FAM20B: variants seen among roughly 807,000 people sequenced by gnomAD.
The protein encoded by FAM20B is FAM20B glycosaminoglycan xylosylkinase.
Under a neutral mutation model 43.8 loss-of-function variants are expected in FAM20B, and 23 were observed. The observed-to-expected ratio is 0.53, with a 90% CI of 0.38 to 0.74. FAM20B has a LOEUF of 0.74. Among genes scored for constraint, FAM20B ranks in the 30% least tolerant of loss-of-function variants. The pLI is 0.00. For missense variants in FAM20B, 440 were observed against 510.5 expected, an observed-to-expected ratio of 0.86 and a Z score of 1.33; for synonymous variants, 178 against 192.4, an observed-to-expected ratio of 0.93 and a Z score of 0.62.
At chr1:179,056,281 C>T (rs1180955249) in intron 4 of FAM20B, among the ~76,000 whole-genome samples, 1 of 152,150 alleles carries the variant, frequency 6.6e-6, no homozygotes, top group Non-Finnish European at 1.5e-5. Flanking sequence ...CCTCTATGTT[C>T]CACCTATTCA....
upstream of FAM20B, among the ~76,000 whole-genome samples, chr1:179,024,798 C>T (rs977279258): frequency 1.3e-5 from 2 of 152,214 alleles, no homozygotes; most frequent in African/African-American, 2.4e-5. Context: ...TCTTAGAGTA[C>T]TTTCCCCATA....
Position 179,043,872 on chromosome 1 carries a change from C to G in FAM20B, c.25C>G (p.Leu9Val), listed in dbSNP as rs1318751816. The G allele has an allele frequency of 3.1e-6, 5 of 1,604,636 alleles. No individual in the cohort carries two copies. The highest frequency in any genetic ancestry group is 1.1e-5 in the South Asian group (1 of 90,682). Reference sequence around the variant, plus strand: ...CATGAAGCTAAAGCAGCGAGTCGTGCTGTTAGCAATTCTCCTTGTCATTTT... The same window carrying G: ...CATGAAGCTAAAGCAGCGAGTCGTGGTGTTAGCAATTCTCCTTGTCATTTT... MKLKQRVVLLAILLVIFIF... is the reference protein window; with the variant it reads MKLKQRVVVLAILLVIFIF... Residue 9 changes from leucine to valine, a missense_variant, in exon 2 of 8, where the codon CTG becomes GTG. By Grantham distance (32) the Leu-to-Val change is conservative. Coordinates refer to ENST00000263733, the MANE Select transcript of FAM20B (RefSeq NM_014864.4).
At chr1:179,045,307 AGTTT>A (rs1650716330) in intron 2 of FAM20B, among the ~76,000 whole-genome samples, 1 of 152,178 alleles carries the variant, frequency 6.6e-6, no homozygotes, top group East Asian at 1.9e-4. Flanking sequence ...ATATTCTCAA[AGTTT>A]GTAATGTCTG....
intron 2 of FAM20B, among the ~76,000 whole-genome samples, chr1:179,046,731 G>C (rs898729491): frequency 1.1e-4 from 16 of 151,408 alleles, no homozygotes; most frequent in African/African-American, 3.9e-4. Context: ...GGCTGGGTGC[G>C]GTGGCTCATG....
chr1:179,062,166 C>T (rs1350517157), intron 4 of FAM20B, among the ~76,000 whole-genome samples: 1 of 152,146 alleles, frequency 6.6e-6, no homozygotes, highest in African/African-American at 2.4e-5. Context: ...ACCACTACTC[C>T]TTAATTCCTT....
chr1:179,040,607 G>A (rs1171755484), intron 1 of FAM20B, among the ~76,000 whole-genome samples: 1 of 127,170 alleles, frequency 7.9e-6, no homozygotes, highest in Admixed American at 7.4e-5. Flanking sequence ...TCCCAGTAGG[G>A]GCGGCCGGGC....
At chr1:179,030,373 A>C (rs1307024322) in intron 1 of FAM20B, among the ~76,000 whole-genome samples, 1 of 152,082 alleles carries the variant, frequency 6.6e-6, no homozygotes, top group East Asian at 1.9e-4. Context: ...ACTGCCAATA[A>C]TACTTGAAGA....
intron 7 of FAM20B, among the ~76,000 whole-genome samples, chr1:179,070,088 C>T (rs1293267646): frequency 6.6e-6 from 1 of 152,090 alleles, no homozygotes; most frequent in African/African-American, 2.4e-5. Context: ...CTCTGTTGCC[C>T]AGGCTGGAGT....
intron 6 of FAM20B, 84 bp downstream of exon 6, chr1:179,064,580 C>G: frequency 9.0e-7 from 1 of 1,107,108 alleles, no homozygotes; most frequent in South Asian, 1.6e-5. Context: ...TGGAGAATAT[C>G]CAGAATGCAA....
chr1:179,050,446 G>A, intron 3 of FAM20B, 81 bp downstream of exon 3: 4 of 933,128 alleles, frequency 4.3e-6, no homozygotes, highest in Non-Finnish European at 7.0e-6. Context: ...GACTCCTTCA[G>A]AAGGATGCAA....
chr1:179,050,203 G>A (rs527886315), intron 2 of FAM20B, 76 bp from the exon 3 acceptor site: 151 of 1,000,868 alleles, frequency 1.5e-4, no homozygotes, highest in Non-Finnish European at 2.2e-4. Flanking sequence ...GCTAATGGGT[G>A]TATTCTACCA....
intron 4 of FAM20B, among the ~76,000 whole-genome samples, chr1:179,055,477 C>T (rs890877638): frequency 6.6e-6 from 1 of 152,130 alleles, no homozygotes; most frequent in African/African-American, 2.4e-5. Context: ...ACAGATTCAT[C>T]ATTCAGAATT....
At position 179,073,181 on chromosome 1, in the gene FAM20B, C is replaced by T. The variant is rs72709441; in HGVS notation, c.*1037C>T. On this transcript the variant is annotated 3_prime_UTR_variant, in exon 8 of 8. Transcript: ENST00000263733. ...CCAAGAGATCGGCAACCTTTTTGTC[C>T]CTTTCTCATAAGAAAGGGACACTCC... 20,597 of 152,076 alleles carry T rather than the reference C, an allele frequency of 0.14. 1,624 individuals carry two copies. The highest frequency in any genetic ancestry group is 0.31 in the East Asian group (1,582 of 5,168). 9.4% of individuals were successfully genotyped at this position (152,076 alleles called of 1,614,324 possible).
Position 179,028,454 on chromosome 1 carries a change from C to T in FAM20B, c.-134+2356C>T, listed in dbSNP as rs7552267. On this transcript the variant is annotated intron_variant, in intron 1 of 7. Coordinates refer to ENST00000263733, the MANE Select transcript of FAM20B (RefSeq NM_014864.4). The stretch of plus-strand genomic sequence containing the variant: ...AAAATTAGCTGTGCATGGTGGTGCA[C>T]GCCTGTAGTCCCAGCTACTCAGGAG... Among the ~76,000 whole-genome samples, 943 of 152,272 alleles carry T rather than the reference C, an allele frequency of 6.2e-3. 10 individuals are homozygous for T. Among genetic ancestry groups the T allele is most frequent in the African/African-American group, 0.021 (874 of 41,554 alleles).
At chr1:179,034,537 G>C (rs1196383815) in intron 1 of FAM20B, among the ~76,000 whole-genome samples, 1 of 152,114 alleles carries the variant, frequency 6.6e-6, no homozygotes, top group Non-Finnish European at 1.5e-5. Context: ...GTTTGGCCCT[G>C]ACTCCACCTC....
intron 4 of FAM20B, among the ~76,000 whole-genome samples, chr1:179,058,868 A>G (rs1253524837): frequency 1.3e-5 from 2 of 152,180 alleles, no homozygotes; most frequent in Non-Finnish European, 2.9e-5. Flanking sequence ...CTGGGAGAGC[A>G]ATTGAGAGAG....
intron 3 of FAM20B, among the ~76,000 whole-genome samples, chr1:179,050,886 C>T (rs188081287): frequency 1.4e-3 from 212 of 152,248 alleles, no homozygotes; most frequent in African/African-American, 5.0e-3. Flanking sequence ...CTTTGGGAGG[C>T]CAAGGTGGGC....
chr1:179,069,757 G>C (rs1021978472), intron 7 of FAM20B, among the ~76,000 whole-genome samples: 1 of 152,258 alleles, frequency 6.6e-6, no homozygotes, highest in East Asian at 1.9e-4. Flanking sequence ...CTGATGCTCT[G>C]GGCATTTGTA....
Position 179,074,894 on chromosome 1 carries a change from G to C in FAM20B, c.*2750G>C, listed in dbSNP as rs1397496612. 2 of 152,192 alleles carry C rather than the reference G, an allele frequency of 1.3e-5. No individual in the cohort carries two copies. The highest frequency in any genetic ancestry group is 2.9e-5 in the Non-Finnish European group (2 of 68,022). 9.4% of individuals were successfully genotyped at this position (152,192 alleles called of 1,614,324 possible). ...AGCCCTAAAATTTCAAACACTGTTT[G>C]AAAGAAGAGGTGGGGGCCGGGTGCC... On this transcript the variant is annotated 3_prime_UTR_variant, in exon 8 of 8. Transcript: ENST00000263733.
Sources: allele counts gnomAD v4.1 joint callset (sites outside exome capture counted in the v4.1 genomes callset), GRCh38; gene constraint gnomAD v4.1.1; transcripts MANE v1.5; gene names NCBI Gene and HGNC (gene_info 2026-07-23, HGNC 2026-07-21).